The following NOL4L variants were observed in gnomAD, a reference collection of about 807,000 sequenced individuals.
The protein encoded by NOL4L is nucleolar protein 4 like.
Under a neutral mutation model 64.5 loss-of-function variants are expected in NOL4L, and 7 were observed. The observed-to-expected ratio is 0.11, with a 90% CI of 0.06 to 0.20. The LOEUF is 0.20. Among genes scored for constraint, NOL4L ranks in the 10% least tolerant of loss-of-function variants. The probability of loss-of-function intolerance (pLI) is 1.00; values close to 1 mark genes in which losing one functional copy is unlikely to be tolerated. For synonymous variants in NOL4L, 413 were observed against 401.0 expected, an observed-to-expected ratio of 1.03 and a Z score of -0.36; for missense variants, 680 against 967.1, an observed-to-expected ratio of 0.70 and a Z score of 3.94.
chr20:32,554,108 C>G (rs1218026038), intron 1 of NOL4L, among the ~76,000 whole-genome samples: 1 of 152,096 alleles, frequency 6.6e-6, no homozygotes, highest in Non-Finnish European at 1.5e-5. Flanking sequence ...ATCACAAGGT[C>G]AGGAGATCGA....
chr20:32,580,293 A>G (rs1163912763), intron 1 of NOL4L, among the ~76,000 whole-genome samples: 2 of 152,202 alleles, frequency 1.3e-5, no homozygotes, highest in Admixed American at 1.3e-4. Flanking sequence ...ACAGGCACAC[A>G]GTAGGTGACC....
rs923895762 is a variant in NOL4L at position 32,535,860 on chromosome 20, T to C, written c.322-7947A>G. ...TGCAGATCCGAATGACAATGACTTA[T>C]GAGGGCTGGAGGGAGGAGTACTGTC... On this transcript the variant is annotated intron_variant, in intron 1 of 10. Coordinates refer to ENST00000621426, the MANE Select transcript of NOL4L (RefSeq NM_001256798.2). 3.3e-5 allele frequency: 33 copies of C among 985,444 alleles called. No individual in the cohort carries two copies. The South Asian group carries it at 4.2e-4, about 13-fold the overall frequency. 61.0% of individuals were successfully genotyped at this position (985,444 alleles called of 1,614,324 possible). A position where few individuals can be genotyped will look rare whatever the true frequency, so the allele number is the denominator to read the frequency against.
intron 2 of NOL4L, among the ~76,000 whole-genome samples, chr20:32,526,160 G>A (rs2018125644): frequency 6.6e-6 from 1 of 152,138 alleles, no homozygotes; most frequent in Admixed American, 6.5e-5. Context: ...AAAGCGCTGG[G>A]ATTATAGGTG....
intron 4 of NOL4L, among the ~76,000 whole-genome samples, chr20:32,485,980 G>A (rs2016072774): frequency 6.6e-6 from 1 of 152,230 alleles, no homozygotes; most frequent in Admixed American, 6.5e-5. Context: ...CCGCCCAGGA[G>A]GGCAGAGCAG....
rs530345796 is a variant in NOL4L at position 32,456,218 on chromosome 20, G to C, written c.1019C>G (p.Pro340Arg). The C allele has an allele frequency of 1.2e-6, 2 of 1,608,956 alleles. No homozygotes were observed. Among genetic ancestry groups the C allele is most frequent in the Non-Finnish European group, 1.7e-6 (2 of 1,177,704 alleles). The stretch of plus-strand genomic sequence containing the variant: ...GGCTGTGCCAAGTGCCGTGGCCGGC[G>C]GGAGCTTGTCACACAGGTTGATGGG... ...DQPINLCDKL[P>R]PATALGTASY... The change falls in exon 6 of 11, where the codon CCG becomes CGG. Residue 340 changes from proline to arginine, a missense_variant. By Grantham distance (103) the Pro-to-Arg change is moderately radical (BLOSUM62 -2). Transcript: ENST00000621426.
chr20:32,478,787 C>T (rs952210802), intron 4 of NOL4L, among the ~76,000 whole-genome samples: 3 of 152,168 alleles, frequency 2.0e-5, no homozygotes, highest in African/African-American at 7.2e-5. Context: ...GACAAGGGCT[C>T]ACTATATCGC....
At chr20:32,462,070 C>A (rs771198804) in intron 5 of NOL4L, among the ~76,000 whole-genome samples, 1 of 152,174 alleles carries the variant, frequency 6.6e-6, no homozygotes, top group Non-Finnish European at 1.5e-5. Flanking sequence ...GGACATCACG[C>A]GGGGACTCCT....
At chr20:32,559,779 C>T (rs1978886537) in intron 1 of NOL4L, among the ~76,000 whole-genome samples, 1 of 152,242 alleles carries the variant, frequency 6.6e-6, no homozygotes, top group Non-Finnish European at 1.5e-5. Context: ...ACAGTCACCT[C>T]CGAGCTGGCT....
chr20:32,486,935 C>T (rs1023122942), intron 4 of NOL4L: 3 of 354,812 alleles, frequency 8.5e-6, no homozygotes, highest in East Asian at 7.9e-5. Flanking sequence ...CTCTACAAAA[C>T]ATTCATTGTC....
At chr20:32,538,065 C>T (rs556721552) in intron 1 of NOL4L, among the ~76,000 whole-genome samples, 2 of 152,322 alleles carry the variant, frequency 1.3e-5, no homozygotes, top group East Asian at 1.9e-4. Flanking sequence ...AGGCATGAGC[C>T]ACCACACCCA....
rs1327677407 is a variant in NOL4L at position 32,447,560 on chromosome 20, CT to C, written c.*35del. On this transcript the variant is annotated 3_prime_UTR_variant, in exon 11 of 11. Transcript: ENST00000621426. Reference sequence around the variant, plus strand: ...GCCAGGTCCAGGCTGGGACAGCCTCCTTCCCTAGGGCAGTGCGCTCCAGGTG... The same window carrying C: ...GCCAGGTCCAGGCTGGGACAGCCTCCTCCCTAGGGCAGTGCGCTCCAGGTG... 1 of 1,551,808 alleles carries C rather than the reference CT, an allele frequency of 6.4e-7. No individual in the cohort carries two copies. The highest frequency in any genetic ancestry group is 1.4e-5 in the African/African-American group (1 of 73,718).
At chr20:32,533,122 A>G (rs986188609) in intron 1 of NOL4L, among the ~76,000 whole-genome samples, 2 of 152,178 alleles carry the variant, frequency 1.3e-5, no homozygotes, top group Admixed American at 6.5e-5. Flanking sequence ...CCATCTCTAA[A>G]ACAAAAACAA....
intron 4 of NOL4L, among the ~76,000 whole-genome samples, chr20:32,484,418 AT>A (rs2015955258): frequency 7.7e-6 from 1 of 129,426 alleles, no homozygotes; most frequent in African/African-American, 3.0e-5. Flanking sequence ...CCCCTTCCCC[AT>A]CCGCACCGTC....
intron 3 of NOL4L, among the ~76,000 whole-genome samples, chr20:32,515,996 G>A: frequency 6.6e-6 from 1 of 152,216 alleles, no homozygotes; most frequent in East Asian, 1.9e-4. Flanking sequence ...TTGCTGGCCT[G>A]TGCAGCTGGG....
chr20:32,584,455 C>G, intron 1 of NOL4L, 115 bp downstream of exon 1: 2 of 881,656 alleles, frequency 2.3e-6, no homozygotes, highest in Non-Finnish European at 3.0e-6. Flanking sequence ...GCCCGACACA[C>G]GGACAACCTC....
In NOL4L at chr20:32,443,101, T is replaced by A. The variant is rs1600602181; in HGVS notation, c.*4495A>T. On this transcript the variant is annotated 3_prime_UTR_variant, in exon 11 of 11. Coordinates refer to ENST00000621426, the MANE Select transcript of NOL4L (RefSeq NM_001256798.2). ...TGTTTATTAAGTAGATTCAGTCTTA[T>A]ATATGATATACAGATTCAAAAGGAA... is the stretch of plus-strand genomic sequence containing the variant. 1 of 152,232 alleles carries A rather than the reference T, an allele frequency of 6.6e-6. No homozygotes were observed. Among genetic ancestry groups the A allele is most frequent in the African/African-American group, 2.4e-5 (1 of 41,462 alleles). The allele number at this position is 152,232 out of a possible 1,614,324, so 9.4% of individuals were successfully genotyped here.
intron 1 of NOL4L, among the ~76,000 whole-genome samples, chr20:32,541,599 C>T (rs1289499672): frequency 1.3e-5 from 2 of 152,196 alleles, no homozygotes; most frequent in Admixed American, 6.5e-5. Flanking sequence ...CAGGGTCCAT[C>T]GGCCCGGGCC....
chr20:32,458,885 GC>G (rs1393184033), intron 5 of NOL4L, among the ~76,000 whole-genome samples: 8 of 152,220 alleles, frequency 5.3e-5, no homozygotes, highest in Non-Finnish European at 1.0e-4. Context: ...AGATGGACTT[GC>G]CCTCCGCCAC....
At chr20:32,582,070 T>C (rs1980509405) in intron 1 of NOL4L, 1 of 152,130 alleles carries the variant, frequency 6.6e-6, no homozygotes, top group Non-Finnish European at 1.5e-5. Context: ...AGGAAAGAAC[T>C]TGGAGATGGG....
Sources: gnomAD v4.1 joint callset for allele counts (sites outside exome capture counted in the v4.1 genomes callset) on GRCh38, gnomAD v4.1.1 for gene constraint, MANE v1.5 for transcripts, NCBI Gene and HGNC (gene_info 2026-07-23, HGNC 2026-07-21) for gene names.